EPB41: variants seen among roughly 807,000 people sequenced by gnomAD.
EPB41 encodes the protein erythrocyte membrane protein band 4.1.
Under a neutral mutation model 108.0 loss-of-function variants are expected in EPB41, and 65 were observed. The observed-to-expected ratio is 0.60, with a 90% CI of 0.49 to 0.74. EPB41 has a LOEUF of 0.74. Among genes scored for constraint, EPB41 ranks in the 30% least tolerant of loss-of-function variants. The probability of loss-of-function intolerance (pLI) is 0.00; values close to 1 mark genes in which losing one functional copy is unlikely to be tolerated. For synonymous variants in EPB41, 336 were observed against 358.9 expected, an observed-to-expected ratio of 0.94 and a Z score of 0.72; for missense variants, 875 against 1,037.0, an observed-to-expected ratio of 0.84 and a Z score of 2.15.
chr1:28,991,684 A>G (rs1341781062), intron 2 of EPB41, among the ~76,000 whole-genome samples: 1 of 146,574 alleles, frequency 6.8e-6, no homozygotes, highest in Non-Finnish European at 1.5e-5. Flanking sequence ...CCTGGGTGAT[A>G]GAGTGAGACT....
rs950893559 is a variant in EPB41, at chr1:28,915,850, T to G, written c.-8+1082T>G. Reference sequence around the variant, plus strand: ...TCTTGTGTCTTGGATATTATTATAGTGGATTTATACTCTCTTGAGGATGTA... The same window carrying G: ...TCTTGTGTCTTGGATATTATTATAGGGGATTTATACTCTCTTGAGGATGTA... On this transcript the variant is annotated intron_variant, in intron 1 of 20. Transcript: ENST00000343067. Among the ~76,000 whole-genome samples the G allele has an allele frequency of 2.0e-4, 30 of 151,314 alleles. No homozygotes were observed. In the Admixed American group the frequency reaches 2.0e-3, roughly 10 times the overall value.
intron 1 of EPB41, among the ~76,000 whole-genome samples, chr1:28,985,554 G>A (rs925801587): frequency 6.6e-6 from 1 of 152,206 alleles, no homozygotes; most frequent in Non-Finnish European, 1.5e-5. Flanking sequence ...GCATAAGACA[G>A]TAATGATATG....
chr1:28,909,607 A>G (rs555555277), upstream of EPB41, among the ~76,000 whole-genome samples: 35 of 152,182 alleles, frequency 2.3e-4, no homozygotes, highest in African/African-American at 8.2e-4. Flanking sequence ...ACTAGTCTCC[A>G]CAACATAGGG....
chr1:29,038,821 G>A (rs1640446715), intron 10 of EPB41, among the ~76,000 whole-genome samples: 1 of 152,226 alleles, frequency 6.6e-6, no homozygotes. Flanking sequence ...TGAGTTTGGA[G>A]TGCATTTGAC....
chr1:29,004,894 A>G (rs2096371544), intron 4 of EPB41, among the ~76,000 whole-genome samples: 1 of 152,112 alleles, frequency 6.6e-6, no homozygotes, highest in Admixed American at 6.5e-5. Context: ...AAAGTCTTTT[A>G]CCTCAAAAGA....
intron 1 of EPB41, among the ~76,000 whole-genome samples, chr1:28,980,131 G>A (rs1441462121): frequency 2.6e-5 from 4 of 152,196 alleles, no homozygotes; most frequent in Non-Finnish European, 4.4e-5. Flanking sequence ...CTAGGAGTTC[G>A]AGACCAGCCT....
At chr1:28,935,868 G>A (rs922393565) in intron 1 of EPB41, among the ~76,000 whole-genome samples, 1 of 150,852 alleles carries the variant, frequency 6.6e-6, no homozygotes, top group Admixed American at 6.6e-5. Context: ...GGAGTCAGCC[G>A]AGACTGTGCC....
chr1:29,013,739 G>A (rs1303726145), intron 5 of EPB41, among the ~76,000 whole-genome samples: 2 of 151,780 alleles, frequency 1.3e-5, no homozygotes, highest in Non-Finnish European at 2.9e-5. Context: ...ATGTTGGCCA[G>A]GATGGTTTGG....
chr1:28,960,665 C>T (rs904550919), intron 1 of EPB41, among the ~76,000 whole-genome samples: 5 of 151,468 alleles, frequency 3.3e-5, no homozygotes, highest in Non-Finnish European at 7.4e-5. Context: ...GAGAGGTTGA[C>T]GCTGAAGTGA....
At chr1:28,991,684 A>T (rs1341781062) in intron 2 of EPB41, among the ~76,000 whole-genome samples, 1 of 146,576 alleles carries the variant, frequency 6.8e-6, no homozygotes, top group Non-Finnish European at 1.5e-5. Flanking sequence ...CCTGGGTGAT[A>T]GAGTGAGACT....
At chr1:29,039,539 G>A (rs960292624) in intron 11 of EPB41, 113 bp downstream of exon 11, 6 of 1,375,904 alleles carry the variant, frequency 4.4e-6, no homozygotes, top group African/African-American at 2.9e-5. Context: ...TGGGCCTGGT[G>A]CAGTGGCTTA....
intron 1 of EPB41, chr1:28,893,384 A>G (rs2090333801): frequency 6.6e-6 from 1 of 152,250 alleles, no homozygotes; most frequent in Non-Finnish European, 1.5e-5. Flanking sequence ...CCAGGTTCTT[A>G]AAGTCTCCTC....
intron 12 of EPB41, among the ~76,000 whole-genome samples, chr1:29,057,028 TA>T (rs765731273): frequency 6.6e-6 from 1 of 151,320 alleles, no homozygotes; most frequent in Admixed American, 6.6e-5. Flanking sequence ...CTCTGAGGGG[TA>T]AAAAAAACTT....
chr1:29,062,772 CAG>C (rs1477442075), intron 15 of EPB41, among the ~76,000 whole-genome samples: 3 of 151,940 alleles, frequency 2.0e-5, no homozygotes, highest in African/African-American at 7.3e-5. Flanking sequence ...CTCCATCTCC[CAG>C]AGAGAACCTG....
chr1:28,974,527 G>A (rs922554112), intron 1 of EPB41, among the ~76,000 whole-genome samples: 1 of 152,148 alleles, frequency 6.6e-6, no homozygotes, highest in African/African-American at 2.4e-5. Context: ...AAACATAAAA[G>A]CAGTAGAGAA....
rs144303273 is a variant in EPB41, at chr1:28,908,083, T to G, written c.-8+20873T>G. 3.7e-3 allele frequency among the ~76,000 whole-genome samples: 565 copies of G among 152,220 alleles called. 6 individuals carry two copies. The highest frequency in any genetic ancestry group is 0.013 in the African/African-American group (523 of 41,558). On this transcript the variant is annotated intron_variant, in intron 1 of 16. Coordinates refer to the EPB41 transcript ENST00000347529. ...GATTAAAAAGTACTTACTGTGTGCC[T>G]GGCACATAGTAAATACCTCATAAAT...
rs867355175 is a variant in EPB41, at chr1:29,039,338, G to A, written c.1548G>A (p.Gln516=). 6.2e-7 allele frequency: 1 copy of A among 1,614,116 alleles called. No homozygotes were observed. The highest frequency in any genetic ancestry group is 1.7e-4 in the Middle Eastern group (1 of 6,058). Residue 516 remains glutamine, a synonymous_variant, in exon 11 of 21, where the codon CAG becomes CAA. Coordinates refer to ENST00000343067, the MANE Select transcript of EPB41 (RefSeq NM_001376013.1). ...GATACAGTGGCCGGACTCAAGCTCAGACCAGGCAAGCTAGTGCTCTAATTG... is the reference window on the plus strand; with the variant it reads ...GATACAGTGGCCGGACTCAAGCTCAAACCAGGCAAGCTAGTGCTCTAATTG... ...KFRYSGRTQA[Q]TRQASALIDR... is the part of the protein sequence containing the mutation.
At chr1:28,927,334 A>T (rs1267533936) in intron 1 of EPB41, among the ~76,000 whole-genome samples, 1 of 152,212 alleles carries the variant, frequency 6.6e-6, no homozygotes, top group Non-Finnish European at 1.5e-5. Context: ...CAGAGAACTG[A>T]TGAATTCACC....
chr1:29,108,039 A>G (rs940000886), intron 17 of EPB41, among the ~76,000 whole-genome samples: 1 of 151,340 alleles, frequency 6.6e-6, no homozygotes, highest in Non-Finnish European at 1.5e-5. Flanking sequence ...AAAAAAAAAA[A>G]AAAAAAAAAG....
Sources: allele counts gnomAD v4.1 joint callset (sites outside exome capture counted in the v4.1 genomes callset), GRCh38; gene constraint gnomAD v4.1.1; transcripts MANE v1.5; gene names NCBI Gene and HGNC (gene_info 2026-07-23, HGNC 2026-07-21).